HLA-DMA: variants seen among roughly 807,000 people sequenced by gnomAD.
HLA-DMA encodes the protein HLA class II histocompatibility antigen, DM alpha chain.
A neutral mutation model predicts 27.3 loss-of-function variants in HLA-DMA; 20 were observed. The ratio of observed to expected loss-of-function variants is 0.73; its 90% confidence interval spans 0.52 to 1.07. HLA-DMA has a LOEUF of 1.07. Ranked by LOEUF, HLA-DMA falls within the 50% of genes least tolerant of loss-of-function variation. The pLI is 0.00. For missense variants in HLA-DMA, 241 were observed against 321.7 expected (o/e 0.75, Z 1.92); for synonymous variants, 111 against 126.8 (o/e 0.88, Z 0.83).
intron 1 of HLA-DMA, among the ~76,000 whole-genome samples, chr6:32,951,654 C>T (rs1313294821): frequency 1.3e-5 from 2 of 151,858 alleles, no homozygotes; most frequent in South Asian, 2.1e-4. Context: ...AAAGGCCGGG[C>T]GCGGTGGCTC....
In HLA-DMA at chr6:32,949,364, T is replaced by C. The variant is rs988033766; in HGVS notation, c.688A>G (p.Asn230Asp). 6.2e-7 allele frequency: 1 copy of C among 1,614,012 alleles called. No individual in the cohort carries two copies. Among genetic ancestry groups the C allele is most frequent in the African/African-American group, 1.3e-5 (1 of 74,982 alleles). The stretch of plus-strand genomic sequence containing the variant: ...CCAAAGGCCACGCCACACAGCACAT[T>C]CTCCAGCAGATCTGAGGGCAGTGCG... The part of the protein sequence containing the change: ...RNALPSDLLE[N>D]VLCGVAFGLG... The change falls in exon 4 of 5, where the codon AAT becomes GAT. Residue 230 changes from asparagine (N) to aspartate (D), a missense_variant. Transcript: ENST00000374843. The surrounding 1 kb of genome is among the most constrained non-coding windows in gnomAD (Gnocchi z 5.8).
At position 32,950,376 on chromosome 6, in the gene HLA-DMA, C is replaced by A; in HGVS notation, c.373+143G>T. 9.5e-7 allele frequency: 1 copy of A among 1,052,446 alleles called. No individual in the cohort carries two copies. Among genetic ancestry groups the A allele is most frequent in the Non-Finnish European group, 1.4e-6 (1 of 705,380 alleles). 65.2% of individuals were successfully genotyped at this position (1,052,446 alleles called of 1,614,324 possible). ...CACCAAAAGAACACAGGGTGCAGAC[C>A]AAGGCTGGTGGAAAAATTAAGGTGA... On this transcript the variant is annotated intron_variant, in intron 2 of 4. Transcript: ENST00000374843. The surrounding 1 kb of genome is among the most constrained non-coding windows in gnomAD (Gnocchi z 5.0).
chr6:32,952,049 A>C (rs889875073), intron 1 of HLA-DMA, among the ~76,000 whole-genome samples: 11 of 152,218 alleles, frequency 7.2e-5, no homozygotes, highest in Admixed American at 6.5e-5. Flanking sequence ...CTAGCCAAAG[A>C]AGCAAGTGAA....
Position 32,952,969 on chromosome 6 carries a change from T to G in HLA-DMA, c.68A>C (p.His23Pro). The G allele has an allele frequency of 6.2e-7, 1 of 1,612,300 alleles. No homozygotes were observed. The highest frequency in any genetic ancestry group is 8.5e-7 in the Non-Finnish European group (1 of 1,179,716). ...QMLPLLWLLPHSWAVPEAPTP... is the reference protein window; with the variant it reads ...QMLPLLWLLPPSWAVPEAPTP... ...CTTACCTTCAGGGACGGCCCAGGAG[T>G]GGGGTAGCAGCCACAGAAGTGGTAA... Residue 23 changes from histidine to proline, a missense_variant, in exon 1 of 5, where the codon CAC becomes CCC. Transcript: ENST00000374843.
At chr6:32,952,830 CCT>C (rs1776960284) in intron 1 of HLA-DMA, 117 bp downstream of exon 1, 1 of 730,612 alleles carries the variant, frequency 1.4e-6, no homozygotes, top group African/African-American at 1.7e-5. Context: ...TCCCCACTCC[CCT>C]GTTGTTTCCA....
intron 1 of HLA-DMA, among the ~76,000 whole-genome samples, chr6:32,951,996 A>G (rs1776923377): frequency 6.6e-6 from 1 of 152,208 alleles, no homozygotes; most frequent in Non-Finnish European, 1.5e-5. Flanking sequence ...TGACAGATTC[A>G]GAGTCACTGT....
intron 1 of HLA-DMA, 137 bp downstream of exon 1, chr6:32,952,812 G>A: frequency 1.5e-6 from 1 of 686,880 alleles, no homozygotes. Flanking sequence ...ACACATAGCA[G>A]CTGTCTTTCC....
At chr6:32,952,122 T>C (rs1776928572) in intron 1 of HLA-DMA, among the ~76,000 whole-genome samples, 3 of 152,092 alleles carry the variant, frequency 2.0e-5, no homozygotes, top group Admixed American at 1.3e-4. Flanking sequence ...CCAAAGGGGA[T>C]TCCTTTGTCT....
chr6:32,950,858 A>G lies in HLA-DMA; in HGVS notation c.89-55T>C. The G allele has an allele frequency of 1.9e-6, 3 of 1,559,404 alleles. No individual in the cohort carries two copies. The highest frequency in any genetic ancestry group is 2.6e-6 in the Non-Finnish European group (3 of 1,144,372). On this transcript the variant is annotated intron_variant, in intron 1 of 4. Coordinates refer to ENST00000374843, the MANE Select transcript of HLA-DMA (RefSeq NM_006120.4). The surrounding 1 kb of genome is among the most constrained non-coding windows in gnomAD (Gnocchi z 5.0). Reference sequence around the variant, plus strand: ...AGGTGGGAGCCTTCTCCTCCAACTTAAAAAACAGCAAGGTGGGGCTAGGCG... The same window carrying G: ...AGGTGGGAGCCTTCTCCTCCAACTTGAAAAACAGCAAGGTGGGGCTAGGCG...
Position 32,948,860 on chromosome 6 carries a change from A to G in HLA-DMA, c.*4T>C. 1 of 1,613,966 alleles carries G rather than the reference A, an allele frequency of 6.2e-7. No homozygotes were observed. The highest frequency in any genetic ancestry group is 8.5e-7 in the Non-Finnish European group (1 of 1,179,958). On this transcript the variant is annotated 3_prime_UTR_variant, in exon 5 of 5. Coordinates refer to ENST00000374843, the MANE Select transcript of HLA-DMA (RefSeq NM_006120.4). Reference sequence around the variant, plus strand: ...TGCTGGCATCAAACTCTGGTCTGGAAGAATCAGTCTGGGGGAGAGACAGGG... The same window carrying G: ...TGCTGGCATCAAACTCTGGTCTGGAGGAATCAGTCTGGGGGAGAGACAGGG...
Position 32,950,741 on chromosome 6 carries a change from G to C in HLA-DMA, c.151C>G (p.Gln51Glu). Reference protein sequence around the residue: ...NHTFLHTVYCQDGSPSVGLSE... With the variant: ...NHTFLHTVYCEDGSPSVGLSE... ...AGTCCCACACTGGGACTCCCATCCTGGCAGTACACTGTGTGCAGGAATGTG... is the reference window on the plus strand; with the variant it reads ...AGTCCCACACTGGGACTCCCATCCTCGCAGTACACTGTGTGCAGGAATGTG... Residue 51 changes from glutamine (Q) to glutamate (E), a missense_variant, in exon 2 of 5, where the codon CAG becomes GAG. Coordinates refer to ENST00000374843, the MANE Select transcript of HLA-DMA (RefSeq NM_006120.4). The surrounding 1 kb of genome is among the most constrained non-coding windows in gnomAD (Gnocchi z 5.0). The C allele has an allele frequency of 6.2e-7, 1 of 1,613,046 alleles. No individual in the cohort carries two copies. The highest frequency in any genetic ancestry group is 8.5e-7 in the Non-Finnish European group (1 of 1,180,020).
At chr6:32,952,670 C>T (rs1776954466) in intron 1 of HLA-DMA, among the ~76,000 whole-genome samples, 1 of 152,230 alleles carries the variant, frequency 6.6e-6, no homozygotes, top group Non-Finnish European at 1.5e-5. Context: ...CTACCACTTT[C>T]CAATGGTGTG....
In HLA-DMA at chr6:32,948,636, T is replaced by C. The variant is rs1168299671; in HGVS notation, c.*228A>G. On this transcript the variant is annotated 3_prime_UTR_variant, in exon 5 of 5. Transcript: ENST00000374843. ...ACTGATATAAAGAAATGAGATTTAT[T>C]GCCTTGTGGGGGGAAGGGATGTGGT... 9.9e-6 allele frequency: 6 copies of C among 603,324 alleles called. No individual in the cohort carries two copies. Among genetic ancestry groups the C allele is most frequent in the Non-Finnish European group, 1.5e-5 (5 of 337,828 alleles). 37.4% of individuals were successfully genotyped at this position (603,324 alleles called of 1,614,324 possible).
Position 32,950,017 on chromosome 6 carries a change from G to A in HLA-DMA, c.374-128C>T. The A allele has an allele frequency of 1.1e-6, 1 of 872,290 alleles. No homozygotes were observed. Among genetic ancestry groups the A allele is most frequent in the Non-Finnish European group, 1.8e-6 (1 of 570,656 alleles). 54.0% of individuals were successfully genotyped at this position (872,290 alleles called of 1,614,324 possible). ...ACAGTGGGTCAGGCTTTGGGAGACA[G>A]AGATGAGCGAGGAGCTGGGCTCTGA... On this transcript the variant is annotated intron_variant, in intron 2 of 4. Transcript: ENST00000374843. This position sits in a 1 kb window ranked among gnomAD's most constrained non-coding sequence, Gnocchi z 5.0.
chr6:32,951,878 G>A (rs934814797), intron 1 of HLA-DMA, among the ~76,000 whole-genome samples: 6 of 152,068 alleles, frequency 3.9e-5, no homozygotes, highest in African/African-American at 1.4e-4. Context: ...GCAGGGAGCC[G>A]AGATCACGTC....
rs1776797880 is a variant in HLA-DMA, at chr6:32,949,564, C to T, written c.652+47G>A. 1.2e-6 allele frequency: 2 copies of T among 1,608,390 alleles called. No homozygotes were observed. The highest frequency in any genetic ancestry group is 2.2e-5 in the East Asian group (1 of 44,820). On this transcript the variant is annotated intron_variant, in intron 3 of 4. Coordinates refer to ENST00000374843, the MANE Select transcript of HLA-DMA (RefSeq NM_006120.4). This position sits in a 1 kb window ranked among gnomAD's most constrained non-coding sequence, Gnocchi z 5.8. ...AAGAAGCCTCCTCCCATGGATCTAT[C>T]CCTTTTTGCCCCCAAAAGGACCAGA...
In HLA-DMA at chr6:32,950,702, C is replaced by A; in HGVS notation, c.190G>T (p.Asp64Tyr). 6.2e-7 allele frequency: 1 copy of A among 1,613,068 alleles called. No individual in the cohort carries two copies. Among genetic ancestry groups the A allele is most frequent in the Non-Finnish European group, 8.5e-7 (1 of 1,180,042 alleles). Residue 64 changes from aspartate to tyrosine, a missense_variant, in exon 2 of 5, where the codon GAC (aspartate) becomes TAC (tyrosine). Transcript: ENST00000374843. The surrounding 1 kb of genome is among the most constrained non-coding windows in gnomAD (Gnocchi z 5.0). ...SPSVGLSEAY[D>Y]EDQLFFFDFS... is the part of the protein sequence containing the mutation. ...TCGAAGAAGAAAAGCTGGTCCTCGT[C>A]GTAGGCCTCAGAGAGTCCCACACTG...
chr6:32,952,409 ATAATCCC>A (rs1379104478), intron 1 of HLA-DMA: 2 of 471,624 alleles, frequency 4.2e-6, no homozygotes, highest in African/African-American at 4.0e-5. Context: ...ACTGCATAAA[ATAATCCC>A]TCTTCTTTGA....
chr6:32,953,038 C>T lies in HLA-DMA; in HGVS notation c.-2G>A. ...TCCTTGGTTCTGTTCATGACCCATA[C>T]CTTCTTGCCACACAGTAGGTAGGAG... On this transcript the variant is annotated 5_prime_UTR_variant, in exon 1 of 5. Transcript: ENST00000374843. The T allele has an allele frequency of 6.2e-7, 1 of 1,611,868 alleles. No homozygotes were observed. The highest frequency in any genetic ancestry group is 1.7e-4 in the Middle Eastern group (1 of 5,972).
Sources: allele counts gnomAD v4.1 joint callset (sites outside exome capture counted in the v4.1 genomes callset), GRCh38; gene constraint gnomAD v4.1.1; non-coding constraint Gnocchi (gnomAD v3.1); transcripts MANE v1.5; gene names NCBI Gene and HGNC (gene_info 2026-07-23, HGNC 2026-07-21).